MASP1: variants seen among roughly 807,000 people sequenced by gnomAD.
MASP1 encodes MBL associated serine protease 1.
In MASP1, 59 loss-of-function variants were observed where a neutral mutation model predicts 77.1. The observed-to-expected ratio is 0.77, with a 90% CI of 0.62 to 0.95. MASP1 has a LOEUF of 0.95. Among genes scored for constraint, MASP1 ranks in the 40% least tolerant of loss-of-function variants. MASP1 has a pLI of 0.00. For synonymous variants in MASP1, 362 were observed against 354.5 expected (o/e 1.02, Z -0.24); for missense variants, 885 against 912.9 (o/e 0.97, Z 0.39).
At chr3:187,283,505 A>G (rs1186117737) in intron 2 of MASP1, among the ~76,000 whole-genome samples, 1 of 152,198 alleles carries the variant, frequency 6.6e-6, no homozygotes, top group Non-Finnish European at 1.5e-5. Flanking sequence ...CAAACTTAAG[A>G]GAAAGAGTTT....
intron 5 of MASP1, among the ~76,000 whole-genome samples, chr3:187,256,355 G>A (rs1292846375): frequency 6.6e-6 from 1 of 152,176 alleles, no homozygotes. Context: ...TGTGCACAGG[G>A]CCCTGTGTGA....
chr3:187,256,962 G>C, intron 4 of MASP1, 102 bp from the exon 5 acceptor site: 1 of 971,560 alleles, frequency 1.0e-6, no homozygotes, highest in Non-Finnish European at 1.6e-6. Flanking sequence ...CCAAGCAGTA[G>C]ACAGGGAAGG....
At chr3:187,282,695 C>A (rs923146929) in intron 2 of MASP1, among the ~76,000 whole-genome samples, 1 of 152,136 alleles carries the variant, frequency 6.6e-6, no homozygotes, top group African/African-American at 2.4e-5. Context: ...AGTAGTCAGC[C>A]AACTAGCATG....
chr3:187,286,737 G>C (rs1299280017), intron 1 of MASP1, among the ~76,000 whole-genome samples: 1 of 152,196 alleles, frequency 6.6e-6, no homozygotes, highest in Admixed American at 6.5e-5. Flanking sequence ...GACTAAGGCT[G>C]GTCAAAGCCC....
In MASP1 at chr3:187,236,256, C is replaced by G. The variant is rs761807246; in HGVS notation, c.1615G>C (p.Val539Leu). The G allele has an allele frequency of 6.2e-7, 1 of 1,614,240 alleles. No homozygotes were observed. Among genetic ancestry groups the G allele is most frequent in the Non-Finnish European group, 8.5e-7 (1 of 1,180,044 alleles). The change falls in exon 11 of 11, where the codon GTG becomes CTG. Residue 539 changes from valine (V) to leucine (L), a missense_variant. Val to Leu is a conservative substitution (Grantham distance 32). Coordinates refer to ENST00000296280, the MANE Select transcript of MASP1 (RefSeq NM_139125.4). Reference protein sequence around the residue: ...SGAVNSSAARVVLHPDFNIQN... With the variant: ...SGAVNSSAARLVLHPDFNIQN... ...ATGTTGAAGTCTGGGTGGAGCACCA[C>G]TCGGGCAGCTGAGCTGTTGACTGCC...
Position 187,291,563 on chromosome 3 carries a change from C to G in MASP1, c.5+65G>C, listed in dbSNP as rs16861895. On this transcript the variant is annotated intron_variant, in intron 1 of 10. Coordinates refer to ENST00000296280, the MANE Select transcript of MASP1 (RefSeq NM_139125.4). ...TGAGTCTGTCAGTGACAAGGTCAGACCTTCCCTGCTATTTGACACTGGTCC... is the reference window on the plus strand; with the variant it reads ...TGAGTCTGTCAGTGACAAGGTCAGAGCTTCCCTGCTATTTGACACTGGTCC... 0.15 allele frequency: 243,330 copies of G among 1,599,794 alleles called. 19,033 individuals are homozygous for G. Among genetic ancestry groups the G allele is most frequent in the African/African-American group, 0.22 (16,138 of 74,650 alleles).
intron 15 of MASP1, chr3:187,220,950 T>G (rs1712024332): frequency 9.1e-7 from 1 of 1,104,782 alleles, no homozygotes; most frequent in Non-Finnish European, 1.4e-6. Flanking sequence ...GCCCACCAGG[T>G]TGGGAGGCCT....
intron 2 of MASP1, among the ~76,000 whole-genome samples, chr3:187,275,214 C>T (rs1049323469): frequency 7.2e-5 from 11 of 152,098 alleles, no homozygotes; most frequent in African/African-American, 2.4e-4. Flanking sequence ...GCAGAAGCTG[C>T]GTGGCTCCAG....
intron 7 of MASP1, among the ~76,000 whole-genome samples, chr3:187,251,192 T>A (rs1225907164): frequency 6.6e-6 from 1 of 152,150 alleles, no homozygotes; most frequent in East Asian, 1.9e-4. Context: ...ACTCCTGAGA[T>A]CAGGTGATCC....
At chr3:187,232,844 A>C (rs1712853597), downstream of MASP1, among the ~76,000 whole-genome samples, 1 of 152,238 alleles carries the variant, frequency 6.6e-6, no homozygotes, top group East Asian at 1.9e-4. Context: ...TAAAGTGCAA[A>C]GCGTAAATAA....
At position 187,235,902 on chromosome 3, in the gene MASP1, T is replaced by C; in HGVS notation, c.1969A>G (p.Lys657Glu). The change falls in exon 11 of 11, where the codon AAA becomes GAA. Residue 657 changes from lysine (K) to glutamate (E), a missense_variant. Physicochemically the swap from Lys to Glu is moderately conservative, Grantham distance 56. Coordinates refer to ENST00000296280, the MANE Select transcript of MASP1 (RefSeq NM_139125.4). ...MFCAGYYEGG[K>E]DTCLGDSGGA... Reference sequence around the variant, plus strand: ...CCGCTATCTCCAAGGCACGTGTCTTTGCCGCCCTCGTAGTAGCCAGCACAG... The same window carrying C: ...CCGCTATCTCCAAGGCACGTGTCTTCGCCGCCCTCGTAGTAGCCAGCACAG... 1 of 1,614,230 alleles carries C rather than the reference T, an allele frequency of 6.2e-7. No individual in the cohort carries two copies. The highest frequency in any genetic ancestry group is 8.5e-7 in the Non-Finnish European group (1 of 1,180,042).
At chr3:187,269,431 A>C (rs1040126733) in intron 2 of MASP1, among the ~76,000 whole-genome samples, 1 of 152,200 alleles carries the variant, frequency 6.6e-6, no homozygotes, top group African/African-American at 2.4e-5. Flanking sequence ...TCAGGTTTCT[A>C]TGTACAGAAA....
chr3:187,226,170 G>A, intron 12 of MASP1: 1 of 540,998 alleles, frequency 1.8e-6, no homozygotes, highest in African/African-American at 1.9e-5. Flanking sequence ...TTATCTAGAG[G>A]CCTCCTCATT....
In MASP1 at chr3:187,243,518, C is replaced by T. The variant is rs1300885039; in HGVS notation, c.1194G>A (p.Gln398=). 1 of 1,613,914 alleles carries T rather than the reference C, an allele frequency of 6.2e-7. No homozygotes were observed. The highest frequency in any genetic ancestry group is 1.3e-5 in the African/African-American group (1 of 74,896). The part of the protein sequence containing the change: ...TYKSEIKYSC[Q]EPYYKMLNNN... The stretch of plus-strand genomic sequence containing the variant: ...TGTTGAGCATCTTGTAATAGGGCTC[C>T]TGACAGGAGTATTTGATCTCAGACT... The change falls in exon 9 of 11, where the codon CAG becomes CAA. Residue 398 remains glutamine (Q), a synonymous_variant. Transcript: ENST00000296280.
Position 187,235,220 on chromosome 3 carries a change from G to T in MASP1, c.*464C>A. On this transcript the variant is annotated 3_prime_UTR_variant, in exon 11 of 11. Coordinates refer to ENST00000296280, the MANE Select transcript of MASP1 (RefSeq NM_139125.4). ...AAGGATTAGGCCAAGGCTAGTCCCA[G>T]AAGGCAGAGCAGGAAAATATACAGA... The T allele has an allele frequency of 7.8e-7, 1 of 1,289,060 alleles. No individual in the cohort carries two copies. The highest frequency in any genetic ancestry group is 1.0e-6 in the Non-Finnish European group (1 of 990,014). 79.9% of individuals were successfully genotyped at this position (1,289,060 alleles called of 1,614,324 possible). A position where few individuals can be genotyped will look rare whatever the true frequency, so the allele number is the denominator to read the frequency against.
chr3:187,291,520 A>G, intron 1 of MASP1, 108 bp downstream of exon 1: 1 of 1,441,450 alleles, frequency 6.9e-7, no homozygotes, highest in Middle Eastern at 1.7e-4. Flanking sequence ...CCTCACTACC[A>G]CATGCAGGAC....
At chr3:187,266,282 T>G (rs189839719) in intron 2 of MASP1, among the ~76,000 whole-genome samples, 15 of 152,330 alleles carry the variant, frequency 9.8e-5, no homozygotes, top group African/African-American at 3.6e-4. Context: ...CTGTCTACAC[T>G]TTAATGTGAA....
chr3:187,229,432 C>T (rs1712632438), downstream of MASP1, among the ~76,000 whole-genome samples: 1 of 152,314 alleles, frequency 6.6e-6, no homozygotes, highest in South Asian at 2.1e-4. Context: ...ATAAAAATTC[C>T]TAAGCATAGC....
intron 4 of MASP1, among the ~76,000 whole-genome samples, chr3:187,258,210 C>A (rs1329846881): frequency 1.3e-5 from 2 of 152,206 alleles, no homozygotes; most frequent in East Asian, 3.8e-4. Flanking sequence ...CTGATCCCCA[C>A]CCTGTTCCAC....
Sources: allele counts gnomAD v4.1 joint callset (sites outside exome capture counted in the v4.1 genomes callset), GRCh38; gene constraint gnomAD v4.1.1; transcripts MANE v1.5; gene names NCBI Gene and HGNC (gene_info 2026-07-23, HGNC 2026-07-21).